Variants in RBFOX2 observed in about 807,000 individuals in gnomAD.
RBFOX2 encodes RNA binding fox-1 homolog 2.
A neutral mutation model predicts 49.1 loss-of-function variants in RBFOX2; 10 were observed. The observed-to-expected ratio is 0.20, with a 90% CI of 0.13 to 0.35. The LOEUF is 0.35. Ranked by LOEUF, RBFOX2 falls within the 10% of genes least tolerant of loss-of-function variation. The pLI is 1.00. For missense variants in RBFOX2, 323 were observed against 486.9 expected (o/e 0.66, Z 3.17); for synonymous variants, 183 against 187.4 (o/e 0.98, Z 0.19).
chr22:35,917,201 G>C (rs1326807921), intron 1 of RBFOX2, among the ~76,000 whole-genome samples: 1 of 152,160 alleles, frequency 6.6e-6, no homozygotes, highest in Non-Finnish European at 1.5e-5. Context: ...CATGTTGGTA[G>C]GGGAAGACAC....
chr22:35,942,691 T>C (rs959051947), upstream of RBFOX2, among the ~76,000 whole-genome samples: 1 of 146,688 alleles, frequency 6.8e-6, no homozygotes, highest in Non-Finnish European at 1.5e-5. Context: ...GAGTTTGAGA[T>C]AGCCTGGGCA....
intron 1 of RBFOX2, among the ~76,000 whole-genome samples, chr22:35,868,352 T>C (rs2043931580): frequency 6.6e-6 from 1 of 152,196 alleles, no homozygotes; most frequent in South Asian, 2.1e-4. Context: ...ATGTAGAACC[T>C]TCATAGAAAG....
At chr22:35,939,736 A>G (rs1311341927), upstream of RBFOX2, among the ~76,000 whole-genome samples, 1 of 152,192 alleles carries the variant, frequency 6.6e-6, no homozygotes, top group Admixed American at 6.5e-5. Flanking sequence ...AATTTAGTAT[A>G]AGGTCATATA....
chr22:35,975,268 T>C (rs1186863638), intron 1 of RBFOX2, among the ~76,000 whole-genome samples: 3 of 152,184 alleles, frequency 2.0e-5, no homozygotes, highest in African/African-American at 7.2e-5. Context: ...AGTCTACAAA[T>C]GACACTTTAA....
At chr22:35,907,671 A>G (rs1482627995) in intron 1 of RBFOX2, among the ~76,000 whole-genome samples, 1 of 151,982 alleles carries the variant, frequency 6.6e-6, no homozygotes, top group Non-Finnish European at 1.5e-5. Context: ...TTTTTGAAAC[A>G]GAGTGTCGCT....
chr22:35,810,455 C>A (rs1417987665), intron 1 of RBFOX2, among the ~76,000 whole-genome samples: 1 of 151,912 alleles, frequency 6.6e-6, no homozygotes, highest in Non-Finnish European at 1.5e-5. Flanking sequence ...AAGAGAGATG[C>A]TGGGTTATTA....
intron 2 of RBFOX2, 29 bp downstream of exon 3, chr22:35,809,751 T>C: frequency 6.2e-7 from 1 of 1,600,902 alleles, no homozygotes; most frequent in Non-Finnish European, 8.6e-7. Flanking sequence ...CCATGCATCC[T>C]TCCATTTTTC....
intron 2 of RBFOX2, among the ~76,000 whole-genome samples, chr22:35,783,671 A>C (rs1945727200): frequency 6.6e-6 from 1 of 151,932 alleles, no homozygotes; most frequent in Non-Finnish European, 1.5e-5. Context: ...CTGAATAATG[A>C]CCTTCCGGGC....
intron 1 of RBFOX2, among the ~76,000 whole-genome samples, chr22:35,826,868 G>T (rs991114273): frequency 6.6e-6 from 1 of 152,144 alleles, no homozygotes; most frequent in Non-Finnish European, 1.5e-5. Flanking sequence ...AAAGTTACGT[G>T]AATGTGGCCT....
intron 1 of RBFOX2, among the ~76,000 whole-genome samples, chr22:35,922,151 CAGCATTT>C (rs1399931528): frequency 6.6e-6 from 1 of 152,210 alleles, no homozygotes; most frequent in African/African-American, 2.4e-5. Context: ...AAAAAGTGAA[CAGCATTT>C]AGCATAATGA....
At chr22:35,930,211 G>C (rs1208743897) in intron 1 of RBFOX2, among the ~76,000 whole-genome samples, 1 of 151,612 alleles carries the variant, frequency 6.6e-6, no homozygotes, top group East Asian at 2.0e-4. Context: ...AGTAGAGATA[G>C]GGTTTCCCCA....
intron 1 of RBFOX2, among the ~76,000 whole-genome samples, chr22:35,868,304 G>C (rs755514278): frequency 9.2e-5 from 14 of 152,138 alleles, no homozygotes; most frequent in Admixed American, 2.6e-4. Context: ...AATTAGGATA[G>C]AAATTTTGGC....
chr22:35,953,610 T>C (rs2055213017), intron 1 of RBFOX2, among the ~76,000 whole-genome samples: 2 of 152,210 alleles, frequency 1.3e-5, no homozygotes, highest in South Asian at 4.1e-4. Flanking sequence ...TGTGAACGTA[T>C]TAAATGCCAC....
chr22:35,766,873 A>T (rs1392159314), intron 5 of RBFOX2, among the ~76,000 whole-genome samples: 1 of 152,200 alleles, frequency 6.6e-6, no homozygotes, highest in African/African-American at 2.4e-5. Context: ...GCTGCGTGTA[A>T]CTGAAGGGAT....
At chr22:35,931,202 T>C (rs2052355888) in intron 1 of RBFOX2, among the ~76,000 whole-genome samples, 3 of 151,676 alleles carry the variant, frequency 2.0e-5, no homozygotes, top group South Asian at 4.2e-4. Flanking sequence ...AAGCAACAGT[T>C]TGAAAAAGCT....
intron 1 of RBFOX2, among the ~76,000 whole-genome samples, chr22:35,934,639 T>C (rs1603450635): frequency 6.6e-6 from 1 of 152,118 alleles, no homozygotes; most frequent in Non-Finnish European, 1.5e-5. Flanking sequence ...CATCACTTTC[T>C]AGGAAACCCC....
At chr22:35,893,020 G>A (rs1373534828) in intron 1 of RBFOX2, among the ~76,000 whole-genome samples, 1 of 152,204 alleles carries the variant, frequency 6.6e-6, no homozygotes, top group Non-Finnish European at 1.5e-5. Context: ...CGTCCTCAAT[G>A]AAGTAAACAA....
At chr22:35,922,040 G>A (rs1022708593) in intron 1 of RBFOX2, among the ~76,000 whole-genome samples, 1 of 152,180 alleles carries the variant, frequency 6.6e-6, no homozygotes, top group African/African-American at 2.4e-5. Flanking sequence ...ATGTAGGCAA[G>A]ACAGACCTTT....
intron 1 of RBFOX2, among the ~76,000 whole-genome samples, chr22:35,849,069 T>C (rs1409994942): frequency 6.6e-6 from 1 of 152,100 alleles, no homozygotes; most frequent in Non-Finnish European, 1.5e-5. Flanking sequence ...ACTAATGTCA[T>C]CACAAAATAG....
Sources: allele counts gnomAD v4.1 joint callset (sites outside exome capture counted in the v4.1 genomes callset), GRCh38; gene constraint gnomAD v4.1.1; transcripts MANE v1.5; gene names NCBI Gene and HGNC (gene_info 2026-07-23, HGNC 2026-07-21).